Variants in TENM3 observed in about 807,000 individuals in gnomAD.
TENM3 encodes the protein teneurin-3.
TENM3 carries 63 observed loss-of-function variants against 255.1 expected under a neutral mutation model. The observed-to-expected ratio is 0.25, with a 90% confidence interval of 0.20 to 0.30. TENM3 has a LOEUF of 0.30. TENM3 is among the 10% of genes least tolerant of loss of function. The probability of loss-of-function intolerance (pLI) is 1.00; values close to 1 mark genes in which losing one functional copy is unlikely to be tolerated. For missense variants in TENM3, 2,929 were observed against 3,461.1 expected (o/e 0.85, Z 3.86); for synonymous variants, 1,306 against 1,322.3 (o/e 0.99, Z 0.27).
chr4:181,521,871 C>A, the TENM3 span, among the ~76,000 whole-genome samples: 1 of 151,964 alleles, frequency 6.6e-6, no homozygotes, highest in African/African-American at 2.4e-5. Flanking sequence ...CCAAGACGGG[C>A]AGATCACGAG....
At chr4:182,688,495 G>T in intron 12 of TENM3, 144 bp downstream of exon 12, 1 of 669,514 alleles carries the variant, frequency 1.5e-6, no homozygotes, top group Non-Finnish European at 2.3e-6. Context: ...TTTAAATATG[G>T]TTGTCATTTT....
At chr4:181,887,743 G>C in the TENM3 span, among the ~76,000 whole-genome samples, 2 of 152,142 alleles carry the variant, frequency 1.3e-5, no homozygotes, top group Admixed American at 1.3e-4. Context: ...ATATCCCTTG[G>C]CATTTTAAAG....
intron 1 of TENM3, among the ~76,000 whole-genome samples, chr4:182,152,173 A>ATAGT (rs749034757): frequency 6.6e-6 from 1 of 152,018 alleles, no homozygotes; most frequent in Non-Finnish European, 1.5e-5. Context: ...AATGAATTTA[A>ATAGT]TAGTTCAGAA....
chr4:182,064,305 G>A, the TENM3 span, among the ~76,000 whole-genome samples: 9,390 of 152,156 alleles, frequency 0.062, 404 homozygotes, highest in Middle Eastern at 0.12. Flanking sequence ...TGGGCTGGGC[G>A]CGGTGGCTCA....
At chr4:181,840,082 A>T in the TENM3 span, among the ~76,000 whole-genome samples, 1 of 151,962 alleles carries the variant, frequency 6.6e-6, no homozygotes, top group African/African-American at 2.4e-5. Context: ...GCATGTTTTT[A>T]TTGCCTTTTG....
chr4:182,040,626 A>G, the TENM3 span, among the ~76,000 whole-genome samples: 1 of 152,062 alleles, frequency 6.6e-6, no homozygotes, highest in Admixed American at 6.6e-5. Flanking sequence ...ACAGTTTTCA[A>G]TTTCCCAAGT....
At chr4:181,888,497 T>C in the TENM3 span, among the ~76,000 whole-genome samples, 38 of 17,874 alleles carry the variant, frequency 2.1e-3, no homozygotes, top group Non-Finnish European at 3.4e-3. Flanking sequence ...GAAATGTGTA[T>C]ATATATATAT....
At chr4:182,536,738 G>A (rs576269512) in intron 3 of TENM3, among the ~76,000 whole-genome samples, 2 of 152,224 alleles carry the variant, frequency 1.3e-5, no homozygotes, top group South Asian at 2.1e-4. Context: ...GCCTGTTTCT[G>A]CTAGCTCATG....
chr4:182,206,924 T>C (rs1419024799), intron 1 of TENM3, among the ~76,000 whole-genome samples: 2 of 152,178 alleles, frequency 1.3e-5, no homozygotes, highest in African/African-American at 4.8e-5. Context: ...ACTATTATTA[T>C]CTCTAAGTCC....
At chr4:181,796,106 T>C in the TENM3 span, among the ~76,000 whole-genome samples, 11 of 152,212 alleles carry the variant, frequency 7.2e-5, no homozygotes, top group African/African-American at 2.7e-4. Flanking sequence ...GTTGTTGTAA[T>C]GGGCTGCAGC....
chr4:181,568,217 G>C, the TENM3 span, among the ~76,000 whole-genome samples: 55 of 148,718 alleles, frequency 3.7e-4, no homozygotes, highest in Non-Finnish European at 6.4e-4. Flanking sequence ...AGGCTGGAGT[G>C]CAGTGGTGTA....
At chr4:181,766,608 A>G in the TENM3 span, among the ~76,000 whole-genome samples, 1 of 152,098 alleles carries the variant, frequency 6.6e-6, no homozygotes, top group Admixed American at 6.5e-5. Context: ...TGTGTAGTGT[A>G]CCACCAAAAA....
chr4:181,613,403 A>T, the TENM3 span, among the ~76,000 whole-genome samples: 1 of 152,144 alleles, frequency 6.6e-6, no homozygotes, highest in South Asian at 2.1e-4. Context: ...GCTGAGGGAA[A>T]CTTGGCTGTC....
chr4:182,092,145 G>A, the TENM3 span, among the ~76,000 whole-genome samples: 10 of 152,136 alleles, frequency 6.6e-5, no homozygotes, highest in Non-Finnish European at 1.2e-4. Context: ...TTCAAAACCA[G>A]CCTGGCCAAC....
intron 3 of TENM3, among the ~76,000 whole-genome samples, chr4:182,581,157 A>G (rs1745457888): frequency 6.7e-6 from 1 of 148,276 alleles, no homozygotes; most frequent in Non-Finnish European, 1.5e-5. Flanking sequence ...ATAATAAATA[A>G]GAAGAAATCA....
the TENM3 span, among the ~76,000 whole-genome samples, chr4:181,475,761 C>G: frequency 6.6e-6 from 1 of 152,192 alleles, no homozygotes; most frequent in Non-Finnish European, 1.5e-5. Context: ...TTAAAGCTTT[C>G]TAGTACTTAA....
chr4:181,967,781 G>T, the TENM3 span, among the ~76,000 whole-genome samples: 1 of 152,060 alleles, frequency 6.6e-6, no homozygotes, highest in Non-Finnish European at 1.5e-5. Context: ...GTGAGGTATG[G>T]TTCTCCCAAC....
At chr4:182,265,157 T>C (rs2150185871) in intron 1 of TENM3, among the ~76,000 whole-genome samples, 1 of 152,292 alleles carries the variant, frequency 6.6e-6, no homozygotes. Flanking sequence ...CTGTTCTGTT[T>C]TGCATTGTGT....
At chr4:182,111,601 T>C in the TENM3 span, among the ~76,000 whole-genome samples, 1 of 152,226 alleles carries the variant, frequency 6.6e-6, no homozygotes, top group Non-Finnish European at 1.5e-5. Context: ...CATGCTTCTA[T>C]GGGCAGACAG....
Sources: gnomAD v4.1 joint callset for allele counts (sites outside exome capture counted in the v4.1 genomes callset) on GRCh38, gnomAD v4.1.1 for gene constraint, MANE v1.5 for transcripts, NCBI Gene and HGNC (gene_info 2026-07-23, HGNC 2026-07-21) for gene names.